The following SPAG6 variants were observed in gnomAD, a reference collection of about 807,000 sequenced individuals.
SPAG6 encodes the protein sperm associated antigen 6.
SPAG6 carries 49 observed loss-of-function variants against 58.5 expected under a neutral mutation model. That is an observed-to-expected ratio of 0.84 (90% CI 0.67 to 1.06). The LOEUF (loss-of-function observed/expected upper bound fraction) is 1.06, where lower values mean the gene tolerates loss of function less well. SPAG6 is among the 50% of genes least tolerant of loss of function. The probability of loss-of-function intolerance (pLI) is 0.00; values close to 1 mark genes in which losing one functional copy is unlikely to be tolerated. For synonymous variants in SPAG6, 233 were observed against 225.6 expected (o/e 1.03, Z -0.29); for missense variants, 560 against 611.3 (o/e 0.92, Z 0.89).
intron 10 of SPAG6, 55 bp downstream of exon 10, chr10:22,411,231 C>T: frequency 6.8e-7 from 1 of 1,479,932 alleles, no homozygotes; most frequent in South Asian, 1.3e-5. Flanking sequence ...TTTCTGTTTT[C>T]ACATCTAGGT....
chr10:22,368,792 G>A (rs2132054887), intron 4 of SPAG6, 114 bp downstream of exon 4: 2 of 741,368 alleles, frequency 2.7e-6, no homozygotes, highest in East Asian at 2.8e-5. Context: ...TGATGTTTCT[G>A]TATGTGATGA....
At chr10:22,402,381 A>C (rs1259361500) in intron 9 of SPAG6, among the ~76,000 whole-genome samples, 6 of 152,238 alleles carry the variant, frequency 3.9e-5, no homozygotes, top group Admixed American at 3.9e-4. Flanking sequence ...GTTTCTACAA[A>C]TAATGAACAA....
chr10:22,377,967 T>C (rs1000121359), intron 4 of SPAG6, among the ~76,000 whole-genome samples: 3 of 151,958 alleles, frequency 2.0e-5, no homozygotes, highest in African/African-American at 7.2e-5. Context: ...GTTTCTATTA[T>C]TTATTTTAAA....
chr10:22,400,627 A>G (rs1288247822), intron 8 of SPAG6, among the ~76,000 whole-genome samples: 1 of 151,802 alleles, frequency 6.6e-6, no homozygotes, highest in Non-Finnish European at 1.5e-5. Flanking sequence ...TGAATGGGGA[A>G]ATGTCTACCT....
intron 3 of SPAG6, among the ~76,000 whole-genome samples, chr10:22,367,201 T>C (rs1172810543): frequency 6.6e-6 from 1 of 152,084 alleles, no homozygotes; most frequent in Non-Finnish European, 1.5e-5. Context: ...AAAAGTCAAG[T>C]TAGCTAAGGT....
At chr10:22,404,952 T>C (rs2130626528) in intron 9 of SPAG6, among the ~76,000 whole-genome samples, 1 of 152,086 alleles carries the variant, frequency 6.6e-6, no homozygotes, top group Middle Eastern at 3.4e-3. Context: ...GTTGTTGGTG[T>C]ATAAGAATGC....
At chr10:22,352,567 G>T (rs912898243) in intron 2 of SPAG6, among the ~76,000 whole-genome samples, 2 of 152,146 alleles carry the variant, frequency 1.3e-5, no homozygotes, top group African/African-American at 2.4e-5. Context: ...GCCCAGGCTG[G>T]TGTGCAGTGG....
intron 2 of SPAG6, among the ~76,000 whole-genome samples, chr10:22,362,453 A>T (rs1031929154): frequency 3.3e-5 from 5 of 151,992 alleles, no homozygotes; most frequent in Admixed American, 1.3e-4. Context: ...AAAAAATATG[A>T]AGTAAGGCCA....
chr10:22,397,845 A>G (rs977047848), intron 8 of SPAG6, among the ~76,000 whole-genome samples: 2 of 152,124 alleles, frequency 1.3e-5, no homozygotes, highest in African/African-American at 4.8e-5. Context: ...AAATTGATCT[A>G]TATATTTAAC....
At chr10:22,391,010 A>T (rs1008682790) in intron 7 of SPAG6, among the ~76,000 whole-genome samples, 2 of 152,202 alleles carry the variant, frequency 1.3e-5, no homozygotes, top group Admixed American at 6.5e-5. Context: ...TTGATTTTTT[A>T]AAATTGTTCC....
chr10:22,358,658 T>C (rs1298498843), intron 2 of SPAG6, among the ~76,000 whole-genome samples: 1 of 151,936 alleles, frequency 6.6e-6, no homozygotes, highest in African/African-American at 2.4e-5. Flanking sequence ...TCCTTGCCCA[T>C]GCCTATGTCC....
intron 8 of SPAG6, among the ~76,000 whole-genome samples, chr10:22,397,556 T>A (rs919572321): frequency 6.6e-6 from 1 of 152,320 alleles, no homozygotes; most frequent in East Asian, 1.9e-4. Flanking sequence ...GCTCAAATGA[T>A]CCACCTGCCT....
Position 22,391,810 on chromosome 10 carries a change from A to G in SPAG6, c.1087A>G (p.Ile363Val), listed in dbSNP as rs1474625153. ...TGCAGCTGCTTGGGCCTTAGGACAG[A>G]TTGGAAGACACACTCCTGAACACGC... is the stretch of plus-strand genomic sequence containing the variant. ...KAAAAWALGQ[I>V]GRHTPEHARA... Residue 363 changes from isoleucine (I) to valine (V), a missense_variant, in exon 8 of 11, where the codon ATT becomes GTT. Coordinates refer to ENST00000376624, the MANE Select transcript of SPAG6 (RefSeq NM_012443.4). The G allele has an allele frequency of 1.9e-6, 3 of 1,613,654 alleles. No individual in the cohort carries two copies. Among genetic ancestry groups the G allele is most frequent in the African/African-American group, 1.3e-5 (1 of 74,988 alleles).
intron 9 of SPAG6, among the ~76,000 whole-genome samples, chr10:22,405,822 A>G (rs2130629146): frequency 6.6e-6 from 1 of 152,276 alleles, no homozygotes. Context: ...AGATCCTGTT[A>G]TTGGACTATT....
chr10:22,381,424 C>T (rs1383107327), intron 4 of SPAG6, among the ~76,000 whole-genome samples: 2 of 151,118 alleles, frequency 1.3e-5, no homozygotes, highest in Non-Finnish European at 2.9e-5. Flanking sequence ...TCCTACATAG[C>T]AACACTGGGC....
intron 10 of SPAG6, among the ~76,000 whole-genome samples, chr10:22,414,519 C>T (rs1834823808): frequency 6.6e-6 from 1 of 152,060 alleles, no homozygotes; most frequent in Non-Finnish European, 1.5e-5. Flanking sequence ...TGCATCTGTA[C>T]AAGGTGGTTA....
At chr10:22,364,823 T>C in intron 2 of SPAG6, 30 bp from the exon 3 acceptor site, 1 of 1,563,738 alleles carries the variant, frequency 6.4e-7, no homozygotes, top group African/African-American at 1.4e-5. Context: ...TAAATTTTCC[T>C]GATTTCTGTT....
chr10:22,357,087 T>C (rs1434066901), intron 2 of SPAG6, among the ~76,000 whole-genome samples: 1 of 152,200 alleles, frequency 6.6e-6, no homozygotes, highest in Non-Finnish European at 1.5e-5. Flanking sequence ...TCTTTGTTTA[T>C]ACCATTCCTT....
At chr10:22,415,042 A>C (rs962080855) in intron 10 of SPAG6, among the ~76,000 whole-genome samples, 1 of 152,128 alleles carries the variant, frequency 6.6e-6, no homozygotes, top group Non-Finnish European at 1.5e-5. Context: ...CTGGGATTAC[A>C]GGTGTGGGCC....
Sources: allele counts gnomAD v4.1 joint callset (sites outside exome capture counted in the v4.1 genomes callset), GRCh38; gene constraint gnomAD v4.1.1; transcripts MANE v1.5; gene names NCBI Gene and HGNC (gene_info 2026-07-23, HGNC 2026-07-21).